LRRC28: variants seen among roughly 807,000 people sequenced by gnomAD.
The protein encoded by LRRC28 is leucine-rich repeat-containing protein 28.
A neutral mutation model predicts 45.7 loss-of-function variants in LRRC28; 39 were observed. The ratio of observed to expected loss-of-function variants is 0.85; its 90% CI spans 0.66 to 1.12. The LOEUF is 1.12. Ranked by LOEUF, LRRC28 falls within the 50% of genes most tolerant of loss-of-function variation. The pLI is 0.00. For missense variants in LRRC28, 435 were observed against 438.5 expected (o/e 0.99, Z 0.07); for synonymous variants, 206 against 178.8 (o/e 1.15, Z -1.22).
At chr15:99,310,520 A>T (rs1046553383) in intron 5 of LRRC28, among the ~76,000 whole-genome samples, 15 of 152,320 alleles carry the variant, frequency 9.8e-5, no homozygotes, top group Admixed American at 6.5e-4. Flanking sequence ...ATGTTCTACT[A>T]CCCAGTGTGA....
intron 3 of LRRC28, among the ~76,000 whole-genome samples, chr15:99,278,942 A>G (rs142874781): frequency 6.6e-6 from 1 of 152,320 alleles, no homozygotes; most frequent in Non-Finnish European, 1.5e-5. Context: ...TTCTTGCTTG[A>G]TGTTGGCTAG....
At position 99,255,580 on chromosome 15, in the gene LRRC28, G is replaced by A. The variant is rs143477454; in HGVS notation, c.-60-318G>A. On this transcript the variant is annotated intron_variant, in intron 1 of 9. Coordinates refer to ENST00000301981, the MANE Select transcript of LRRC28 (RefSeq NM_144598.5). Reference sequence around the variant, plus strand: ...CATTTGATTTTTAAGCTTCTCCTTTGGTTGTATGTTATGAAACTGGTCACT... The same window carrying A: ...CATTTGATTTTTAAGCTTCTCCTTTAGTTGTATGTTATGAAACTGGTCACT... Among the ~76,000 whole-genome samples, 8 of 152,122 alleles carry A rather than the reference G, an allele frequency of 5.3e-5. No homozygotes were observed. The East Asian group carries it at 1.5e-3, about 29-fold the overall frequency.
chr15:99,292,883 T>A (rs2082162500), intron 5 of LRRC28, among the ~76,000 whole-genome samples: 1 of 152,236 alleles, frequency 6.6e-6, no homozygotes, highest in African/African-American at 2.4e-5. Context: ...GTCCTCAGTC[T>A]CTGATGGGTT....
intron 7 of LRRC28, chr15:99,353,765 T>C (rs1282596681): frequency 1.3e-5 from 2 of 152,202 alleles, no homozygotes; most frequent in Non-Finnish European, 2.9e-5. Flanking sequence ...GAGACCACAC[T>C]GAAATGCGAT....
intron 2 of LRRC28, among the ~76,000 whole-genome samples, chr15:99,268,981 A>G (rs2081403327): frequency 6.6e-6 from 1 of 152,220 alleles, no homozygotes. Context: ...GCAATTTTTA[A>G]TGCCTGTTTT....
At chr15:99,357,680 C>G (rs1229876899) in intron 7 of LRRC28, among the ~76,000 whole-genome samples, 1 of 151,946 alleles carries the variant, frequency 6.6e-6, no homozygotes, top group Non-Finnish European at 1.5e-5. Flanking sequence ...GTGTACTTTT[C>G]TATATGATTA....
chr15:99,254,932 G>A (rs2080971080), intron 1 of LRRC28, among the ~76,000 whole-genome samples: 1 of 152,168 alleles, frequency 6.6e-6, no homozygotes, highest in Non-Finnish European at 1.5e-5. Context: ...CAGAGACATT[G>A]TAATATTATA....
intron 9 of LRRC28, among the ~76,000 whole-genome samples, chr15:99,369,488 G>A (rs1957424218): frequency 6.6e-6 from 1 of 152,136 alleles, no homozygotes; most frequent in Non-Finnish European, 1.5e-5. Flanking sequence ...AGTTGAAGTT[G>A]CAGTGTTGAG....
intron 6 of LRRC28, 97 bp from the exon 7 acceptor site, chr15:99,352,272 A>G (rs1956905373): frequency 1.2e-6 from 1 of 834,778 alleles, no homozygotes; most frequent in Admixed American, 2.4e-5. Context: ...CAGAGTAGAA[A>G]TCTTCGAATA....
intron 5 of LRRC28, among the ~76,000 whole-genome samples, chr15:99,289,937 C>T (rs1277074911): frequency 2.8e-5 from 1 of 35,588 alleles, no homozygotes; most frequent in African/African-American, 1.2e-4. Context: ...AAGACTCCGT[C>T]TCAAAAAAAA....
intron 7 of LRRC28, chr15:99,360,889 A>G (rs1235776910): frequency 2.0e-5 from 3 of 152,750 alleles, no homozygotes; most frequent in Non-Finnish European, 2.9e-5. Flanking sequence ...GCCATTTAAA[A>G]TCTATTTGCT....
intron 2 of LRRC28, among the ~76,000 whole-genome samples, chr15:99,257,230 A>G (rs1296780658): frequency 6.6e-6 from 1 of 152,168 alleles, no homozygotes; most frequent in Non-Finnish European, 1.5e-5. Context: ...GCCTACTTAT[A>G]TTTCTGAAAT....
chr15:99,283,613 C>T (rs1195700079), intron 3 of LRRC28, among the ~76,000 whole-genome samples: 2 of 65,900 alleles, frequency 3.0e-5, no homozygotes, highest in African/African-American at 1.1e-4. Flanking sequence ...GAGACTCCTT[C>T]TCAAAAAAAA....
At chr15:99,284,724 C>T in intron 3 of LRRC28, 1 of 519,624 alleles carries the variant, frequency 1.9e-6, no homozygotes. Context: ...CCATAGGAGC[C>T]AGAGCTTCTG....
At chr15:99,380,006 A>G (rs1289737498) in intron 9 of LRRC28, among the ~76,000 whole-genome samples, 3 of 152,236 alleles carry the variant, frequency 2.0e-5, no homozygotes, top group African/African-American at 7.2e-5. Flanking sequence ...GCTGAGAAGA[A>G]TGTATAGTTG....
intron 5 of LRRC28, among the ~76,000 whole-genome samples, chr15:99,290,831 G>C (rs2152218674): frequency 6.6e-6 from 1 of 152,092 alleles, no homozygotes; most frequent in East Asian, 1.9e-4. Flanking sequence ...AGCCGTGCAT[G>C]GTGACACACA....
chr15:99,261,465 G>T (rs1004014793), intron 2 of LRRC28, among the ~76,000 whole-genome samples: 2 of 152,104 alleles, frequency 1.3e-5, no homozygotes, highest in African/African-American at 4.8e-5. Context: ...TCGGTGTCTG[G>T]TGAGGTCTCT....
intron 2 of LRRC28, among the ~76,000 whole-genome samples, chr15:99,269,682 T>C (rs10794475): frequency 0.63 from 96,320 of 151,942 alleles, 30,571 homozygotes; most frequent in Middle Eastern, 0.76. Flanking sequence ...GGATTACAGG[T>C]GTGAGCTACC....
chr15:99,385,740 G>A (rs9920734), intron 9 of LRRC28, among the ~76,000 whole-genome samples: 3,235 of 150,222 alleles, frequency 0.022, 99 homozygotes, highest in African/African-American at 0.075. Flanking sequence ...TGTGGAAAAG[G>A]CATTTGTTTT....
Sources: allele counts gnomAD v4.1 joint callset (sites outside exome capture counted in the v4.1 genomes callset), GRCh38; gene constraint gnomAD v4.1.1; transcripts MANE v1.5; gene names NCBI Gene and HGNC (gene_info 2026-07-23, HGNC 2026-07-21).